The following PTPRD variants were observed in gnomAD, a reference collection of about 807,000 sequenced individuals.
The protein encoded by PTPRD is receptor-type tyrosine-protein phosphatase delta.
PTPRD carries 34 observed loss-of-function variants against 214.5 expected under a neutral mutation model. That is an observed-to-expected ratio of 0.16 (90% CI 0.12 to 0.21). The LOEUF (loss-of-function observed/expected upper bound fraction) is 0.21. Ranked by LOEUF, PTPRD falls within the 10% of genes least tolerant of loss-of-function variation. The pLI, the probability that PTPRD is intolerant of heterozygous loss-of-function variation, is 1.00. For synonymous variants in PTPRD, 1,128 were observed against 845.7 expected, an observed-to-expected ratio of 1.33 and a Z score of -5.79; for missense variants, 2,545 against 2,398.7, an observed-to-expected ratio of 1.06 and a Z score of -1.27.
intron 3 of PTPRD, among the ~76,000 whole-genome samples, chr9:10,189,943 A>T (rs1362655078): frequency 2.0e-5 from 3 of 152,126 alleles, no homozygotes; most frequent in Non-Finnish European, 4.4e-5. Flanking sequence ...AAGCAAGAGG[A>T]TGTTCACTGC....
chr9:8,585,285 A>G (rs994572262), intron 14 of PTPRD, among the ~76,000 whole-genome samples: 6 of 152,168 alleles, frequency 3.9e-5, no homozygotes, highest in Admixed American at 2.0e-4. Context: ...ATGGAAACAA[A>G]TTTATTATAT....
At chr9:8,669,817 A>G (rs906693146) in intron 12 of PTPRD, among the ~76,000 whole-genome samples, 3 of 152,290 alleles carry the variant, frequency 2.0e-5, no homozygotes, top group African/African-American at 7.2e-5. Context: ...GGAGGTTATG[A>G]ATAATGTAGA....
At chr9:8,351,812 A>C (rs1391495566) in intron 39 of PTPRD, among the ~76,000 whole-genome samples, 1 of 151,348 alleles carries the variant, frequency 6.6e-6, no homozygotes, top group East Asian at 1.9e-4. Flanking sequence ...TGATCACTCC[A>C]GAAAGGTAAA....
At position 8,936,243 on chromosome 9, in the gene PTPRD, T is replaced by A. The variant is rs557726419; in HGVS notation, c.-104+82454A>T. ...CTGGGCAACGTAGGAACACCCCATC[T>A]CTACAAAAAATACAAAGATTAGCCA... On this transcript the variant is annotated intron_variant, in intron 11 of 45. Coordinates refer to ENST00000381196, the MANE Select transcript of PTPRD (RefSeq NM_002839.4). The A allele has an allele frequency of 3.0e-4, 45 of 151,580 alleles. 1 individual carries two copies. Among genetic ancestry groups the A allele is most frequent in the Admixed American group, 2.6e-3 (40 of 15,210 alleles). The allele number at this position is 151,580 out of a possible 1,614,324, so 9.4% of individuals were successfully genotyped here.
chr9:9,356,808 C>G (rs1300728678), intron 9 of PTPRD, among the ~76,000 whole-genome samples: 1 of 151,294 alleles, frequency 6.6e-6, no homozygotes, highest in African/African-American at 2.4e-5. Flanking sequence ...TGTTGATGAT[C>G]TCCAAGGTCC....
chr9:9,013,047 AG>A lies in PTPRD; in HGVS notation c.-104+5649del, dbSNP rs900513114. ...CAGGGGCAGAAAGAAAAGACGTTAA[AG>A]GGGGGGATGCAGATAGCACAGATAA... On this transcript the variant is annotated intron_variant, in intron 11 of 45. Transcript: ENST00000381196. Among the ~76,000 whole-genome samples the A allele has an allele frequency of 1.4e-4, 21 of 152,238 alleles. 1 individual carries two copies. The highest frequency in any genetic ancestry group is 1.4e-3 in the East Asian group (7 of 5,180).
rs142444827 is a variant in PTPRD at position 9,930,011 on chromosome 9, C to G, written c.-368+8496G>C. On this transcript the variant is annotated intron_variant, in intron 5 of 45. Coordinates refer to ENST00000381196, the MANE Select transcript of PTPRD (RefSeq NM_002839.4). ...TACCACCTAGTTCAGGAGTCAGATA[C>G]TCAGTCTGTAGGAAACAAAACAAAA... 3.2e-4 allele frequency among the ~76,000 whole-genome samples: 49 copies of G among 152,240 alleles called. No individual in the cohort carries two copies. The East Asian group carries it at 8.5e-3, about 26-fold the overall frequency.
At chr9:9,234,537 T>C (rs768122335) in intron 9 of PTPRD, among the ~76,000 whole-genome samples, 10 of 152,234 alleles carry the variant, frequency 6.6e-5, no homozygotes, top group Non-Finnish European at 1.5e-4. Flanking sequence ...AATTGTTTTC[T>C]TCTTTTCTAT....
intron 7 of PTPRD, among the ~76,000 whole-genome samples, chr9:9,664,723 C>T (rs765757090): frequency 7.9e-5 from 12 of 151,656 alleles, no homozygotes; most frequent in Non-Finnish European, 1.5e-4. Flanking sequence ...TAAGCAGAAT[C>T]TCCTTTTGAA....
chr9:8,548,739 G>C lies in PTPRD; in HGVS notation c.353-19960C>G, dbSNP rs1324131684. 7.8e-5 allele frequency among the ~76,000 whole-genome samples: 10 copies of C among 128,596 alleles called. No homozygotes were observed. In the Admixed American group the frequency reaches 9.4e-4, roughly 12 times the overall value. The allele number at this position is 128,596 out of a possible 152,430, so 84.4% of individuals were successfully genotyped here. A position where few individuals can be genotyped will look rare whatever the true frequency, so the allele number is the denominator to read the frequency against. ...GACGGAGTTTCTCTCTTGTTGCCCAGGCTAGAGTGCAATGGTGCAATCTCG... is the reference window on the plus strand; with the variant it reads ...GACGGAGTTTCTCTCTTGTTGCCCACGCTAGAGTGCAATGGTGCAATCTCG... On this transcript the variant is annotated intron_variant, in intron 14 of 45. Coordinates refer to ENST00000381196, the MANE Select transcript of PTPRD (RefSeq NM_002839.4).
intron 11 of PTPRD, among the ~76,000 whole-genome samples, chr9:8,810,086 G>A (rs143781864): frequency 2.1e-4 from 32 of 152,212 alleles, no homozygotes; most frequent in African/African-American, 7.5e-4. Flanking sequence ...GCCACACACT[G>A]GACGTTTACT....
chr9:9,605,085 T>G (rs140933892), intron 7 of PTPRD, among the ~76,000 whole-genome samples: 3 of 152,228 alleles, frequency 2.0e-5, no homozygotes, highest in African/African-American at 7.2e-5. Flanking sequence ...TCTATTTTCA[T>G]CTAGCAAAAC....
chr9:9,177,304 T>G (rs2099925495), intron 10 of PTPRD, among the ~76,000 whole-genome samples: 1 of 151,994 alleles, frequency 6.6e-6, no homozygotes, highest in Non-Finnish European at 1.5e-5. Flanking sequence ...TACCTCCACC[T>G]GGCCTCTCCC....
At chr9:8,375,598 AACAAT>A (rs1474968275) in intron 39 of PTPRD, among the ~76,000 whole-genome samples, 1 of 152,066 alleles carries the variant, frequency 6.6e-6, no homozygotes, top group Non-Finnish European at 1.5e-5. Flanking sequence ...GAACTTGTCA[AACAAT>A]ACAAATTTGT....
At chr9:9,394,976 CAT>C (rs1432205283) in intron 9 of PTPRD, among the ~76,000 whole-genome samples, 2 of 151,986 alleles carry the variant, frequency 1.3e-5, no homozygotes, top group African/African-American at 4.8e-5. Flanking sequence ...GTTCAGGTAC[CAT>C]ATGATTTAAT....
At chr9:9,784,214 G>C (rs576710452) in intron 5 of PTPRD, among the ~76,000 whole-genome samples, 14 of 152,116 alleles carry the variant, frequency 9.2e-5, no homozygotes, top group Middle Eastern at 3.4e-3. Flanking sequence ...TTTAGGAAGA[G>C]CTGTACAAAG....
intron 2 of PTPRD, among the ~76,000 whole-genome samples, chr9:10,492,234 G>A (rs2040526444): frequency 6.6e-6 from 1 of 152,148 alleles, no homozygotes; most frequent in African/African-American, 2.4e-5. Flanking sequence ...ACCCAGTAAT[G>A]GGATGGCTGG....
chr9:10,045,635 G>A (rs1022574884), intron 3 of PTPRD, among the ~76,000 whole-genome samples: 2 of 151,548 alleles, frequency 1.3e-5, no homozygotes, highest in Non-Finnish European at 3.0e-5. Context: ...AATACATTTA[G>A]CTAATATACT....
intron 10 of PTPRD, among the ~76,000 whole-genome samples, chr9:9,113,394 G>C (rs1288447745): frequency 6.6e-6 from 1 of 152,062 alleles, no homozygotes; most frequent in African/African-American, 2.4e-5. Context: ...CAAATAAAGG[G>C]GGAGAGTGTT....
Sources: gnomAD v4.1 joint callset for allele counts (sites outside exome capture counted in the v4.1 genomes callset) on GRCh38, gnomAD v4.1.1 for gene constraint, MANE v1.5 for transcripts, NCBI Gene and HGNC (gene_info 2026-07-23, HGNC 2026-07-21) for gene names.